LHFPL3: variants seen among roughly 807,000 people sequenced by gnomAD.
LHFPL3 encodes the protein LHFPL tetraspan subfamily member 3 protein.
Under a neutral mutation model 19.3 loss-of-function variants are expected in LHFPL3, and 5 were observed. The observed-to-expected ratio is 0.26, with a 90% CI of 0.14 to 0.54. The LOEUF (loss-of-function observed/expected upper bound fraction) is 0.54. Ranked by LOEUF, LHFPL3 falls within the 20% of genes least tolerant of loss-of-function variation. The pLI is 0.94. For missense variants in LHFPL3, 249 were observed against 307.4 expected, an observed-to-expected ratio of 0.81 and a Z score of 1.42; for synonymous variants, 133 against 126.2, an observed-to-expected ratio of 1.05 and a Z score of -0.36.
At chr7:104,611,183 A>G (rs1791207311) in intron 1 of LHFPL3, among the ~76,000 whole-genome samples, 1 of 152,230 alleles carries the variant, frequency 6.6e-6, no homozygotes, top group South Asian at 2.1e-4. Flanking sequence ...AAATTTTATT[A>G]AATGATGATA....
intron 1 of LHFPL3, among the ~76,000 whole-genome samples, chr7:104,442,428 T>A (rs1019857530): frequency 2.0e-5 from 3 of 152,226 alleles, no homozygotes; most frequent in South Asian, 2.1e-4. Context: ...AATGACATAT[T>A]ATCTGTTTAA....
intron 2 of LHFPL3, among the ~76,000 whole-genome samples, chr7:104,846,870 A>G (rs1330206705): frequency 6.6e-6 from 1 of 152,234 alleles, no homozygotes; most frequent in Non-Finnish European, 1.5e-5. Flanking sequence ...TTTCAAAAGT[A>G]CATGATGCTA....
At chr7:104,616,737 G>A (rs1392019303) in intron 1 of LHFPL3, among the ~76,000 whole-genome samples, 1 of 151,962 alleles carries the variant, frequency 6.6e-6, no homozygotes, top group Non-Finnish European at 1.5e-5. Context: ...CATTCTGTAG[G>A]TTGGCAATCT....
At chr7:104,414,026 C>T (rs1470046970) in intron 1 of LHFPL3, among the ~76,000 whole-genome samples, 2 of 151,632 alleles carry the variant, frequency 1.3e-5, no homozygotes, top group Non-Finnish European at 2.9e-5. Flanking sequence ...TATTACAGTA[C>T]AGAGTGAATA....
intron 2 of LHFPL3, among the ~76,000 whole-genome samples, chr7:104,829,523 T>A (rs1477189270): frequency 6.6e-6 from 1 of 151,644 alleles, no homozygotes; most frequent in Non-Finnish European, 1.5e-5. Flanking sequence ...ATGTTCCCCT[T>A]CCTGTGTCCA....
At chr7:104,424,500 T>C (rs1435792442) in intron 1 of LHFPL3, among the ~76,000 whole-genome samples, 1 of 152,212 alleles carries the variant, frequency 6.6e-6, no homozygotes, top group East Asian at 1.9e-4. Flanking sequence ...GTAATATAAA[T>C]GCAGACTATC....
chr7:104,738,908 A>T (rs1331923800), intron 2 of LHFPL3: 5 of 152,154 alleles, frequency 3.3e-5, no homozygotes, highest in Non-Finnish European at 5.9e-5. Flanking sequence ...TTCTGTGTTC[A>T]TCATCTTCTC....
intron 1 of LHFPL3, among the ~76,000 whole-genome samples, chr7:104,723,529 C>T (rs973149149): frequency 4.0e-5 from 6 of 151,870 alleles, no homozygotes; most frequent in African/African-American, 1.5e-4. Context: ...TGAGACCAGC[C>T]TGACCAACAT....
At position 104,736,893 on chromosome 7, in the gene LHFPL3, C is replaced by A. The variant is rs746179918; in HGVS notation, c.664C>A (p.Leu222Met). The change falls in exon 2 of 3, where the codon CTG becomes ATG. Residue 222 changes from leucine to methionine, a missense_variant. Physicochemically the swap from Leu to Met is conservative, Grantham distance 15. Transcript: ENST00000424859. ...NRQDSLMAEE[L>M]KAENKVLLSQ... ...ACAAGACAGCTTGATGGCAGAGGAA[C>A]TGAAGGCAGAAAACAAAGGTAAGAT... The A allele has an allele frequency of 1.2e-6, 2 of 1,604,984 alleles. No homozygotes were observed. The highest frequency in any genetic ancestry group is 1.7e-6 in the Non-Finnish European group (2 of 1,175,388).
At chr7:104,761,036 A>T (rs1794363560) in intron 2 of LHFPL3, among the ~76,000 whole-genome samples, 1 of 152,184 alleles carries the variant, frequency 6.6e-6, no homozygotes, top group Non-Finnish European at 1.5e-5. Flanking sequence ...TCAAACTGAT[A>T]TCAGCATGAA....
At chr7:104,589,582 T>G (rs1238362190) in intron 1 of LHFPL3, among the ~76,000 whole-genome samples, 1 of 152,156 alleles carries the variant, frequency 6.6e-6, no homozygotes, top group Admixed American at 6.5e-5. Context: ...TCTTTTTTTG[T>G]TGTGTCTCTG....
intron 1 of LHFPL3, among the ~76,000 whole-genome samples, chr7:104,433,441 C>G (rs1222859459): frequency 6.6e-6 from 1 of 152,210 alleles, no homozygotes; most frequent in African/African-American, 2.4e-5. Context: ...CCCCTTACTT[C>G]CCAGCTAAAA....
intron 1 of LHFPL3, among the ~76,000 whole-genome samples, chr7:104,547,322 C>A (rs1311334117): frequency 6.7e-6 from 1 of 150,044 alleles, no homozygotes; most frequent in African/African-American, 2.4e-5. Flanking sequence ...CATCCTACTT[C>A]TAAGTGGAAT....
chr7:104,701,083 T>C (rs763686770), intron 1 of LHFPL3, among the ~76,000 whole-genome samples: 1 of 152,214 alleles, frequency 6.6e-6, no homozygotes, highest in Non-Finnish European at 1.5e-5. Context: ...CCTGTGTCTT[T>C]ACTATGCCCT....
At chr7:104,717,893 G>C (rs1793419336) in intron 1 of LHFPL3, among the ~76,000 whole-genome samples, 1 of 152,130 alleles carries the variant, frequency 6.6e-6, no homozygotes, top group Non-Finnish European at 1.5e-5. Context: ...CCAAGGTAGA[G>C]AAACCTACCT....
chr7:104,702,495 T>C (rs1020870206), intron 1 of LHFPL3, among the ~76,000 whole-genome samples: 1 of 152,188 alleles, frequency 6.6e-6, no homozygotes, highest in Non-Finnish European at 1.5e-5. Flanking sequence ...TAGGGCTTAT[T>C]AAGTGGATGA....
intron 1 of LHFPL3, among the ~76,000 whole-genome samples, chr7:104,596,392 T>C (rs1272565913): frequency 6.6e-6 from 1 of 152,244 alleles, no homozygotes; most frequent in Non-Finnish European, 1.5e-5. Flanking sequence ...CAATATCTTC[T>C]TGAAATATTT....
At chr7:104,334,496 G>A (rs147413294) in intron 1 of LHFPL3, among the ~76,000 whole-genome samples, 361 of 152,312 alleles carry the variant, frequency 2.4e-3, no homozygotes, top group Non-Finnish European at 3.8e-3. Context: ...ACACTGAGCC[G>A]AGATCATGCT....
intron 1 of LHFPL3, among the ~76,000 whole-genome samples, chr7:104,509,454 C>T (rs1325983726): frequency 6.6e-6 from 1 of 151,924 alleles, no homozygotes; most frequent in Non-Finnish European, 1.5e-5. Flanking sequence ...ATATAATCCA[C>T]CATATTCACA....
Sources: gnomAD v4.1 joint callset for allele counts (sites outside exome capture counted in the v4.1 genomes callset) on GRCh38, gnomAD v4.1.1 for gene constraint, MANE v1.5 for transcripts, NCBI Gene and HGNC (gene_info 2026-07-23, HGNC 2026-07-21) for gene names.